The following KCNK13 variants were observed in gnomAD, a reference collection of about 807,000 sequenced individuals.
KCNK13 encodes the protein potassium channel subfamily K member 13.
In KCNK13, 12 loss-of-function variants were observed where a neutral mutation model predicts 23.4. The ratio of observed to expected loss-of-function variants is 0.51; its 90% CI spans 0.33 to 0.83. The LOEUF (loss-of-function observed/expected upper bound fraction) is 0.83. Ranked by LOEUF, KCNK13 falls within the 40% of genes least tolerant of loss-of-function variation. The pLI is 0.02. For missense variants in KCNK13, 463 were observed against 556.3 expected (o/e 0.83, Z 1.69); for synonymous variants, 231 against 229.5 (o/e 1.01, Z -0.06).
chr14:90,111,487 A>G (rs1596782733), intron 1 of KCNK13, among the ~76,000 whole-genome samples: 2 of 152,218 alleles, frequency 1.3e-5, no homozygotes, highest in South Asian at 4.2e-4. Flanking sequence ...AAGCCCAATT[A>G]TTTCCCAGCT....
At chr14:90,128,958 G>GC (rs1303889522) in intron 1 of KCNK13, among the ~76,000 whole-genome samples, 3 of 152,022 alleles carry the variant, frequency 2.0e-5, no homozygotes, top group Non-Finnish European at 4.4e-5. Flanking sequence ...CTTCCTCCCC[G>GC]CCCCCTAAGA....
intron 1 of KCNK13, among the ~76,000 whole-genome samples, chr14:90,154,628 C>T (rs1387029551): frequency 6.6e-6 from 1 of 152,184 alleles, no homozygotes; most frequent in Non-Finnish European, 1.5e-5. Flanking sequence ...CAGGACCATT[C>T]AGACATACTC....
At chr14:90,145,059 T>C (rs1235113718) in intron 1 of KCNK13, among the ~76,000 whole-genome samples, 3 of 152,110 alleles carry the variant, frequency 2.0e-5, no homozygotes, top group African/African-American at 7.2e-5. Context: ...AGTGATTACA[T>C]GGGGTTTTTT....
intron 1 of KCNK13, among the ~76,000 whole-genome samples, chr14:90,105,557 G>A (rs991995445): frequency 6.6e-6 from 1 of 152,140 alleles, no homozygotes; most frequent in African/African-American, 2.4e-5. Context: ...GCCCTGGATT[G>A]TGGTCGTTGA....
At chr14:90,080,552 T>A (rs913342278) in intron 1 of KCNK13, among the ~76,000 whole-genome samples, 3 of 152,136 alleles carry the variant, frequency 2.0e-5, no homozygotes, top group Non-Finnish European at 2.9e-5. Context: ...CAAAAAAAAA[T>A]GTTTTATTGT....
intron 1 of KCNK13, among the ~76,000 whole-genome samples, chr14:90,086,112 C>T (rs1889272987): frequency 1.3e-5 from 2 of 151,978 alleles, no homozygotes; most frequent in Non-Finnish European, 1.5e-5. Flanking sequence ...GCTAGCACAA[C>T]TGCTTTATAC....
chr14:90,136,764 C>G (rs995047896), intron 1 of KCNK13, among the ~76,000 whole-genome samples: 1 of 152,042 alleles, frequency 6.6e-6, no homozygotes, highest in East Asian at 1.9e-4. Context: ...GAAAGCCTGG[C>G]GAGAGAAGGA....
At chr14:90,177,705 A>C (rs547001929) in intron 1 of KCNK13, among the ~76,000 whole-genome samples, 34 of 152,182 alleles carry the variant, frequency 2.2e-4, no homozygotes, top group Non-Finnish European at 4.0e-4. Context: ...GAAGGGAGCC[A>C]GCTGACATGG....
intron 1 of KCNK13, among the ~76,000 whole-genome samples, chr14:90,180,012 A>G (rs1159856850): frequency 6.6e-6 from 1 of 152,124 alleles, no homozygotes. Context: ...CACTTGGCTA[A>G]TTTCCTTCCC....
chr14:90,112,273 TAA>T (rs747576559), intron 1 of KCNK13, among the ~76,000 whole-genome samples: 29 of 152,334 alleles, frequency 1.9e-4, no homozygotes, highest in Non-Finnish European at 2.6e-4. Flanking sequence ...GGGAAGCTTT[TAA>T]AAAGTTTTTT....
intron 1 of KCNK13, among the ~76,000 whole-genome samples, chr14:90,133,870 A>G (rs569931689): frequency 2.6e-3 from 393 of 152,270 alleles, no homozygotes; most frequent in Non-Finnish European, 4.7e-3. Flanking sequence ...AGCTTTTCAC[A>G]GTGCACTGTG....
At chr14:90,166,544 A>G (rs976657405) in intron 1 of KCNK13, among the ~76,000 whole-genome samples, 3 of 152,088 alleles carry the variant, frequency 2.0e-5, no homozygotes, top group Non-Finnish European at 2.9e-5. Flanking sequence ...CATCTCTACT[A>G]AAAATACAAA....
At chr14:90,120,216 T>C (rs1193697855) in intron 1 of KCNK13, among the ~76,000 whole-genome samples, 2 of 152,178 alleles carry the variant, frequency 1.3e-5, no homozygotes, top group Admixed American at 1.3e-4. Flanking sequence ...GGCCTCCAGC[T>C]CCATCTATGT....
chr14:90,115,642 G>A (rs566970249), intron 1 of KCNK13, among the ~76,000 whole-genome samples: 1 of 152,290 alleles, frequency 6.6e-6, no homozygotes, highest in South Asian at 2.1e-4. Context: ...CCTGAAAGCA[G>A]CCATGAGTTT....
rs746523485 is a variant in KCNK13, at chr14:90,184,836, G to T, written c.1060G>T (p.Ala354Ser). The change falls in exon 2 of 2, where the codon GCA (alanine) becomes TCA (serine). Residue 354 changes from alanine to serine, a missense_variant. Ala to Ser is a moderately conservative substitution (Grantham distance 99). Coordinates refer to ENST00000282146, the MANE Select transcript of KCNK13 (RefSeq NM_022054.4). This position sits in a 1 kb window ranked among gnomAD's most constrained non-coding sequence, Gnocchi z 5.6. ...GEMISMKDLL[A>S]ANKASLAILQ... is the part of the protein sequence containing the mutation. ...GATGATCTCCATGAAGGACTTGCTG[G>T]CAGCCAACAAGGCCTCGTTGGCCAT... is the stretch of plus-strand genomic sequence containing the variant. The T allele has an allele frequency of 1.2e-5, 20 of 1,613,646 alleles. No homozygotes were observed. Among genetic ancestry groups the T allele is most frequent in the Non-Finnish European group, 1.5e-5 (18 of 1,179,876 alleles).
intron 1 of KCNK13, among the ~76,000 whole-genome samples, chr14:90,152,613 CT>C (rs1890146818): frequency 6.6e-6 from 1 of 152,090 alleles, no homozygotes; most frequent in African/African-American, 2.4e-5. Context: ...CCATGTGGAA[CT>C]GTGAGTTCAT....
chr14:90,080,229 G>A lies in KCNK13; in HGVS notation c.334+17690G>A, dbSNP rs61222516. Among the ~76,000 whole-genome samples the A allele has an allele frequency of 8.6e-3, 1,306 of 152,184 alleles. 80 individuals carry two copies. The East Asian group carries it at 0.16, about 18-fold the overall frequency. ...AGCACTTTGAGAGGCTGAGGCGGGC[G>A]CATCACCTGAGGTCAGGAGTTCGAG... On this transcript the variant is annotated intron_variant, in intron 1 of 1. Coordinates refer to ENST00000282146, the MANE Select transcript of KCNK13 (RefSeq NM_022054.4).
chr14:90,076,192 G>A (rs1889132387), intron 1 of KCNK13, among the ~76,000 whole-genome samples: 1 of 152,162 alleles, frequency 6.6e-6, no homozygotes, highest in Non-Finnish European at 1.5e-5. Flanking sequence ...AGGTTGCATT[G>A]GGCTGCATGT....
At position 90,128,838 on chromosome 14, in the gene KCNK13, C is replaced by T. The variant is rs140276415; in HGVS notation, c.335-55273C>T. Among the ~76,000 whole-genome samples, 305 of 152,192 alleles carry T rather than the reference C, an allele frequency of 2.0e-3. 2 individuals are homozygous for T. The highest frequency in any genetic ancestry group is 3.9e-3 in the South Asian group (19 of 4,824). ...GATATTTGATACATACAGAAGAATA[C>T]GTGTAACATAAATGTAAGGCATGCA... On this transcript the variant is annotated intron_variant, in intron 1 of 1. Coordinates refer to ENST00000282146, the MANE Select transcript of KCNK13 (RefSeq NM_022054.4).
Sources: allele counts gnomAD v4.1 joint callset (sites outside exome capture counted in the v4.1 genomes callset), GRCh38; gene constraint gnomAD v4.1.1; non-coding constraint Gnocchi (gnomAD v3.1); transcripts MANE v1.5; gene names NCBI Gene and HGNC (gene_info 2026-07-23, HGNC 2026-07-21).